The following SGCD variants were observed in gnomAD, a reference collection of about 807,000 sequenced individuals.
SGCD encodes the protein sarcoglycan delta, also known as delta-sarcoglycan.
SGCD carries 18 observed loss-of-function variants against 36.6 expected under a neutral mutation model. The ratio of observed to expected loss-of-function variants is 0.49; its 90% CI spans 0.34 to 0.73. The LOEUF is 0.73. SGCD is among the 30% of genes least tolerant of loss of function. SGCD has a pLI of 0.01. For missense variants in SGCD, 387 were observed against 346.7 expected (o/e 1.12, Z -0.92); for synonymous variants, 133 against 130.6 (o/e 1.02, Z -0.12).
intron 1 of SGCD, among the ~76,000 whole-genome samples, chr5:155,941,035 A>G (rs1757314531): frequency 6.6e-6 from 1 of 152,146 alleles, no homozygotes; most frequent in Admixed American, 6.6e-5. Context: ...GAGGCTGAGA[A>G]GTCCAAGATT....
intron 1 of SGCD, among the ~76,000 whole-genome samples, chr5:155,965,865 T>G (rs1190940583): frequency 6.6e-6 from 1 of 152,132 alleles, no homozygotes; most frequent in Non-Finnish European, 1.5e-5. Context: ...GTGTTTATCT[T>G]TATTCCTGCG....
At chr5:156,082,550 A>G (rs954099521) in intron 1 of SGCD, among the ~76,000 whole-genome samples, 4 of 152,198 alleles carry the variant, frequency 2.6e-5, no homozygotes, top group African/African-American at 7.2e-5. Context: ...GTTGTTGCAT[A>G]TATCAGTAGC....
chr5:156,235,648 G>T (rs535252490), intron 3 of SGCD, among the ~76,000 whole-genome samples: 10 of 151,978 alleles, frequency 6.6e-5, no homozygotes, highest in Non-Finnish European at 1.5e-4. Flanking sequence ...GATGCTTTTT[G>T]GTCTGTCTTC....
chr5:155,929,865 T>A (rs1384419717), intron 1 of SGCD, among the ~76,000 whole-genome samples: 4 of 152,176 alleles, frequency 2.6e-5, no homozygotes, highest in Non-Finnish European at 5.9e-5. Context: ...CTTTCCATAT[T>A]CACTTTGCAC....
chr5:156,232,711 A>G (rs1581184273), intron 3 of SGCD, among the ~76,000 whole-genome samples: 2 of 152,302 alleles, frequency 1.3e-5, no homozygotes, highest in Admixed American at 1.3e-4. Flanking sequence ...TGTGTCTATT[A>G]GTATCTCCTG....
chr5:155,829,689 C>A, the SGCD span, among the ~76,000 whole-genome samples: 1 of 152,160 alleles, frequency 6.6e-6, no homozygotes, highest in Non-Finnish European at 1.5e-5. Context: ...AATCAAGAAG[C>A]CAAAGTAGCA....
chr5:156,632,638 G>A (rs1329872049), intron 6 of SGCD, among the ~76,000 whole-genome samples: 1 of 152,158 alleles, frequency 6.6e-6, no homozygotes, highest in Non-Finnish European at 1.5e-5. Flanking sequence ...AGGGAAATGG[G>A]AACTCAAGAC....
chr5:155,947,867 T>C (rs911460516), intron 1 of SGCD, among the ~76,000 whole-genome samples: 2 of 152,032 alleles, frequency 1.3e-5, no homozygotes, highest in African/African-American at 4.8e-5. Flanking sequence ...TACAAGCTTA[T>C]AAGCTCTATG....
intron 1 of SGCD, among the ~76,000 whole-genome samples, chr5:156,106,832 C>A (rs904216786): frequency 5.9e-5 from 9 of 152,116 alleles, no homozygotes; most frequent in African/African-American, 2.2e-4. Flanking sequence ...AATGGCAACA[C>A]TTTGACATTT....
At chr5:156,550,549 C>T (rs530059671) in intron 4 of SGCD, among the ~76,000 whole-genome samples, 20 of 152,308 alleles carry the variant, frequency 1.3e-4, no homozygotes, top group African/African-American at 4.8e-4. Context: ...ATCCCTTGGT[C>T]CACAGATACA....
At chr5:156,647,763 G>C (rs1314756394) in intron 7 of SGCD, among the ~76,000 whole-genome samples, 1 of 152,118 alleles carries the variant, frequency 6.6e-6, no homozygotes, top group Admixed American at 6.6e-5. Flanking sequence ...GTGAAATCTA[G>C]ATTCATTCAT....
intron 1 of SGCD, among the ~76,000 whole-genome samples, chr5:156,023,725 A>T (rs1043037139): frequency 3.9e-5 from 6 of 152,210 alleles, no homozygotes; most frequent in Non-Finnish European, 8.8e-5. Flanking sequence ...GCAAGGAGCT[A>T]TGGGTACCTG....
At chr5:156,285,517 C>G (rs926839604) in intron 3 of SGCD, among the ~76,000 whole-genome samples, 1 of 152,074 alleles carries the variant, frequency 6.6e-6, no homozygotes, top group African/African-American at 2.4e-5. Flanking sequence ...AGAAATAATG[C>G]CACATATCTA....
chr5:156,308,958 A>G (rs1465313107), intron 3 of SGCD, among the ~76,000 whole-genome samples: 1 of 151,340 alleles, frequency 6.6e-6, no homozygotes, highest in Non-Finnish European at 1.5e-5. Context: ...ATTTTTTTTT[A>G]TTTTAGCACT....
rs544546392 is a variant in SGCD at position 156,049,382 on chromosome 5, G to C, written c.-281-68496G>C. 2.7e-5 allele frequency among the ~76,000 whole-genome samples: 4 copies of C among 146,106 alleles called. No homozygotes were observed. The East Asian group carries it at 5.8e-4, about 21-fold the overall frequency. ...TGAAGAAAGTCATTGGTAGCTTGATGGGGATGGCATTGAATCTATAAATTC... is the reference window on the plus strand; with the variant it reads ...TGAAGAAAGTCATTGGTAGCTTGATCGGGATGGCATTGAATCTATAAATTC... On this transcript the variant is annotated intron_variant, in intron 1 of 9. Transcript: ENST00000517913.
intron 3 of SGCD, among the ~76,000 whole-genome samples, chr5:156,284,454 C>T (rs1476256165): frequency 2.0e-5 from 3 of 152,146 alleles, no homozygotes; most frequent in African/African-American, 7.2e-5. Flanking sequence ...TCCAGCAGCA[C>T]ATCAAAAAGC....
intron 3 of SGCD, among the ~76,000 whole-genome samples, chr5:156,184,248 A>G (rs1427420470): frequency 1.3e-5 from 2 of 152,170 alleles, no homozygotes; most frequent in Non-Finnish European, 2.9e-5. Flanking sequence ...ACACCATTAG[A>G]AAGTCAAAAA....
chr5:156,335,388 C>A (rs1007620720), intron 2 of SGCD, among the ~76,000 whole-genome samples: 1 of 152,164 alleles, frequency 6.6e-6, no homozygotes, highest in Non-Finnish European at 1.5e-5. Context: ...CAGGACTTGC[C>A]TGAGAGGTAT....
intron 3 of SGCD, among the ~76,000 whole-genome samples, chr5:156,490,640 T>C (rs1755893774): frequency 1.3e-5 from 2 of 152,080 alleles, no homozygotes; most frequent in African/African-American, 4.8e-5. Context: ...GAAAAGTGTT[T>C]TATAAAATTC....
Sources: allele counts gnomAD v4.1 joint callset (sites outside exome capture counted in the v4.1 genomes callset), GRCh38; gene constraint gnomAD v4.1.1; transcripts MANE v1.5; gene names NCBI Gene and HGNC (gene_info 2026-07-23, HGNC 2026-07-21).